The following OSBPL6 variants were observed in gnomAD, a reference collection of about 807,000 sequenced individuals.
OSBPL6 encodes the protein oxysterol-binding protein-related protein 6.
OSBPL6 carries 49 observed loss-of-function variants against 125.8 expected under a neutral mutation model. That is an observed-to-expected ratio of 0.39 (90% CI 0.31 to 0.49). The LOEUF is 0.49. Among genes scored for constraint, OSBPL6 ranks in the 20% least tolerant of loss-of-function variants. The probability of loss-of-function intolerance (pLI) is 0.88; values close to 1 mark genes in which losing one functional copy is unlikely to be tolerated. For synonymous variants in OSBPL6, 394 were observed against 391.8 expected (o/e 1.01, Z -0.07); for missense variants, 986 against 1,135.4 (o/e 0.87, Z 1.89).
rs34874235 is a variant in OSBPL6, at chr2:178,324,247, C to T, written c.173C>T (p.Pro58Leu). 3.6e-3 allele frequency: 5,587 copies of T among 1,573,804 alleles called. 67 individuals are homozygous for T. The highest frequency in any genetic ancestry group is 0.024 in the South Asian group (2,098 of 86,106). ...EPSVSRQLLE[P>L]EPVPLSKEAD... ...TCTGTAAGTCGGCAATTGCTAGAACCGGAGCCAGTCCCCCTCTCCAAGGTC... is the reference window on the plus strand; with the variant it reads ...TCTGTAAGTCGGCAATTGCTAGAACTGGAGCCAGTCCCCCTCTCCAAGGTC... The change falls in exon 4 of 25, where the codon CCG (proline) becomes CTG (leucine). Residue 58 changes from proline to leucine, a missense_variant. Physicochemically the swap from Pro to Leu is moderately conservative, Grantham distance 98 (BLOSUM62 -3). Coordinates refer to ENST00000190611, the MANE Select transcript of OSBPL6 (RefSeq NM_032523.4).
intron 3 of OSBPL6, among the ~76,000 whole-genome samples, chr2:178,319,354 T>C (rs1688042262): frequency 6.6e-6 from 1 of 152,238 alleles, no homozygotes; most frequent in Non-Finnish European, 1.5e-5. Context: ...ATTTCACTCA[T>C]TTCTACTTCT....
chr2:178,199,078 T>A (rs1289481872), intron 1 of OSBPL6, among the ~76,000 whole-genome samples: 1 of 152,214 alleles, frequency 6.6e-6, no homozygotes, highest in African/African-American at 2.4e-5. Flanking sequence ...ATCCATTGGA[T>A]GTTGTGGATT....
chr2:178,221,437 C>T (rs983981998), intron 1 of OSBPL6, among the ~76,000 whole-genome samples: 8 of 151,878 alleles, frequency 5.3e-5, no homozygotes, highest in Admixed American at 3.3e-4. Context: ...CATTATTGAG[C>T]GAAACTGAAG....
At chr2:178,385,337 T>C (rs1694850383) in intron 18 of OSBPL6, 121 bp from the exon 19 acceptor site, 1 of 683,520 alleles carries the variant, frequency 1.5e-6, no homozygotes, top group African/African-American at 1.8e-5. Context: ...TCTCAGTGTT[T>C]TTAAAGCATG....
At chr2:178,321,103 A>G (rs948654074) in intron 3 of OSBPL6, among the ~76,000 whole-genome samples, 3 of 152,174 alleles carry the variant, frequency 2.0e-5, no homozygotes, top group African/African-American at 7.2e-5. Context: ...GTGAGCTGAG[A>G]TTGTGTCACT....
intron 14 of OSBPL6, among the ~76,000 whole-genome samples, chr2:178,372,571 CAAAA>C (rs11433537): frequency 5.0e-4 from 73 of 145,450 alleles, no homozygotes; most frequent in Admixed American, 9.7e-4. Context: ...TGAAATGTTG[CAAAA>C]AAAAAAAAAA....
At chr2:178,194,959 G>C (rs1358989117) in intron 1 of OSBPL6, among the ~76,000 whole-genome samples, 1 of 152,086 alleles carries the variant, frequency 6.6e-6, no homozygotes, top group African/African-American at 2.4e-5. Context: ...CCTCCCCCTC[G>C]TTGCCAGGGA....
chr2:178,324,760 G>C (rs1362796027), intron 4 of OSBPL6, among the ~76,000 whole-genome samples: 1 of 152,154 alleles, frequency 6.6e-6, no homozygotes, highest in Non-Finnish European at 1.5e-5. Flanking sequence ...TGGAAACTGA[G>C]AGTTAATAAC....
At chr2:178,335,803 C>A (rs576415784) in intron 8 of OSBPL6, among the ~76,000 whole-genome samples, 11 of 152,198 alleles carry the variant, frequency 7.2e-5, no homozygotes, top group Non-Finnish European at 1.5e-4. Flanking sequence ...TAATAACTTG[C>A]CATGACTGCC....
At chr2:178,214,336 C>T (rs1026852339) in intron 1 of OSBPL6, among the ~76,000 whole-genome samples, 2 of 152,194 alleles carry the variant, frequency 1.3e-5, no homozygotes, top group African/African-American at 4.8e-5. Flanking sequence ...TCCTCTTTCC[C>T]CTTTCATTCT....
intron 11 of OSBPL6, chr2:178,344,193 C>A: frequency 8.9e-7 from 1 of 1,119,888 alleles, no homozygotes; most frequent in African/African-American, 1.5e-5. Context: ...AAAAACTCTC[C>A]CTCTCCTTGT....
At chr2:178,206,085 T>TTAA (rs1323713704) in intron 1 of OSBPL6, among the ~76,000 whole-genome samples, 1 of 152,234 alleles carries the variant, frequency 6.6e-6, no homozygotes, top group Non-Finnish European at 1.5e-5. Flanking sequence ...ACAATTCTTT[T>TTAA]TAATACTGTA....
At chr2:178,353,917 G>A (rs371526537) in intron 12 of OSBPL6, among the ~76,000 whole-genome samples, 42 of 152,326 alleles carry the variant, frequency 2.8e-4, no homozygotes, top group East Asian at 2.3e-3. Flanking sequence ...CTATAAGCCA[G>A]AAGACAGTGA....
chr2:178,263,824 T>TGTGTGTGTGTGTGTGC (rs1195388759), intron 1 of OSBPL6, among the ~76,000 whole-genome samples: 2 of 151,780 alleles, frequency 1.3e-5, no homozygotes, highest in Non-Finnish European at 2.9e-5. Flanking sequence ...TGTGTGTGTG[T>TGTGTGTGTGTGTGTGC]GTGTGTGTGT....
intron 23 of OSBPL6, among the ~76,000 whole-genome samples, chr2:178,392,932 C>T (rs1695545470): frequency 6.6e-6 from 1 of 151,306 alleles, no homozygotes; most frequent in Admixed American, 6.6e-5. Flanking sequence ...TTACTACCAT[C>T]ATGTATTTTT....
chr2:178,372,908 A>G (rs566231223), intron 14 of OSBPL6, among the ~76,000 whole-genome samples: 1 of 152,336 alleles, frequency 6.6e-6, no homozygotes, highest in South Asian at 2.1e-4. Context: ...ACTTAAGTGT[A>G]TAATTCTGTT....
chr2:178,382,576 C>A lies in OSBPL6; in HGVS notation c.1621+69C>A, dbSNP rs917392610. On this transcript the variant is annotated intron_variant, in intron 16 of 24. Transcript: ENST00000190611. ...AATTGCAACACGAAGACTTAATGAA[C>A]AGGCATTCCCCCTCCCACGCCACCC... The A allele has an allele frequency of 3.1e-6, 5 of 1,600,282 alleles. No homozygotes were observed. The African/African-American group carries it at 6.7e-5, about 21-fold the overall frequency.
At chr2:178,226,426 G>T (rs182920475) in intron 1 of OSBPL6, among the ~76,000 whole-genome samples, 3 of 152,234 alleles carry the variant, frequency 2.0e-5, no homozygotes, top group African/African-American at 4.8e-5. Flanking sequence ...GAGAAGGCTA[G>T]ACAATGGGTC....
At chr2:178,363,780 T>C (rs967320827) in intron 13 of OSBPL6, among the ~76,000 whole-genome samples, 2 of 152,250 alleles carry the variant, frequency 1.3e-5, no homozygotes, top group Admixed American at 1.3e-4. Flanking sequence ...AATAGATTTT[T>C]GTTGGATTTT....
Sources: gnomAD v4.1 joint callset for allele counts (sites outside exome capture counted in the v4.1 genomes callset) on GRCh38, gnomAD v4.1.1 for gene constraint, MANE v1.5 for transcripts, NCBI Gene and HGNC (gene_info 2026-07-23, HGNC 2026-07-21) for gene names.